Variants in SCOC observed in about 807,000 individuals in gnomAD.
SCOC encodes the protein short coiled-coil protein.
Under a neutral mutation model 9.9 loss-of-function variants are expected in SCOC, and 7 were observed. The ratio of observed to expected loss-of-function variants is 0.71; its 90% confidence interval spans 0.40 to 1.33. SCOC has a LOEUF of 1.33. SCOC is among the 40% of genes most tolerant of loss of function. The pLI is 0.01. For missense variants in SCOC, 66 were observed against 89.7 expected (o/e 0.74, Z 1.07); for synonymous variants, 19 against 28.2 (o/e 0.67, Z 1.03).
At chr4:140,295,571 C>T (rs1286717803) in intron 1 of SCOC, among the ~76,000 whole-genome samples, 2 of 152,204 alleles carry the variant, frequency 1.3e-5, no homozygotes, top group South Asian at 2.1e-4. Context: ...AGAAGTGAGA[C>T]GGCGTGGCCC....
At chr4:140,340,558 C>G (rs1412902663), upstream of SCOC, among the ~76,000 whole-genome samples, 1 of 151,778 alleles carries the variant, frequency 6.6e-6, no homozygotes, top group East Asian at 1.9e-4. Flanking sequence ...AAGAATGAAG[C>G]TGCATCCCTA....
chr4:140,265,462 C>T (rs544365384), intron 1 of SCOC, among the ~76,000 whole-genome samples: 4 of 152,274 alleles, frequency 2.6e-5, no homozygotes, highest in East Asian at 1.9e-4. Flanking sequence ...ATTTGCAAAT[C>T]GGGCAGCCTC....
In SCOC at chr4:140,301,180, C is replaced by T. The variant is rs532619313; in HGVS notation, c.-18-42441C>T. Reference sequence around the variant, plus strand: ...AGGCATGGTTGAAGTCCTAGGATGGCAGGATGAGTATCTGAGGCGGAATGT... The same window carrying T: ...AGGCATGGTTGAAGTCCTAGGATGGTAGGATGAGTATCTGAGGCGGAATGT... On this transcript the variant is annotated intron_variant, in intron 1 of 4. Transcript: ENST00000394205. Among the ~76,000 whole-genome samples the T allele has an allele frequency of 1.2e-4, 19 of 152,226 alleles. No individual in the cohort carries two copies. The South Asian group carries it at 3.9e-3, about 32-fold the overall frequency.
intron 1 of SCOC, among the ~76,000 whole-genome samples, chr4:140,302,390 A>T (rs1236214673): frequency 6.6e-6 from 1 of 152,210 alleles, no homozygotes; most frequent in Non-Finnish European, 1.5e-5. Context: ...CTTGTTGCCA[A>T]AAAGTATTGA....
chr4:140,319,017 G>A (rs1435514717), intron 1 of SCOC, among the ~76,000 whole-genome samples: 1 of 152,102 alleles, frequency 6.6e-6, no homozygotes, highest in Non-Finnish European at 1.5e-5. Flanking sequence ...CTTCTAACAA[G>A]GCTCCCATTT....
In SCOC at chr4:140,274,046, G is replaced by A. The variant is rs80002681; in HGVS notation, c.-19+16636G>A. ...ATAATCTCAGAAAATAGTGTTTAAA[G>A]TGACATCTGCAAATATGTGTTTTAG... On this transcript the variant is annotated intron_variant, in intron 1 of 4. Transcript: ENST00000394205. Among the ~76,000 whole-genome samples, 14 of 152,308 alleles carry A rather than the reference G, an allele frequency of 9.2e-5. No homozygotes were observed. In the East Asian group the frequency reaches 2.7e-3, roughly 29 times the overall value.
At chr4:140,297,173 G>T (rs1731665572) in intron 1 of SCOC, among the ~76,000 whole-genome samples, 1 of 152,120 alleles carries the variant, frequency 6.6e-6, no homozygotes, top group Admixed American at 6.5e-5. Flanking sequence ...CTGCCTTGCA[G>T]GTGTACTCTT....
intron 1 of SCOC, among the ~76,000 whole-genome samples, chr4:140,267,475 C>T (rs1341583116): frequency 6.6e-6 from 1 of 152,118 alleles, no homozygotes; most frequent in Non-Finnish European, 1.5e-5. Flanking sequence ...TGTTTCTTGC[C>T]CTTCCTCTAC....
At chr4:140,277,356 T>A (rs755163054) in intron 1 of SCOC, among the ~76,000 whole-genome samples, 26 of 152,094 alleles carry the variant, frequency 1.7e-4, no homozygotes, top group Non-Finnish European at 1.9e-4. Context: ...AATCACCAAG[T>A]CTCTTTTGTG....
intron 1 of SCOC, among the ~76,000 whole-genome samples, chr4:140,278,639 C>T (rs753698825): frequency 6.6e-6 from 1 of 152,282 alleles, no homozygotes; most frequent in South Asian, 2.1e-4. Flanking sequence ...GACTTAGTCA[C>T]CTCCCAGAGG....
intron 1 of SCOC, among the ~76,000 whole-genome samples, chr4:140,266,957 C>T (rs749503457): frequency 4.6e-5 from 7 of 152,326 alleles, no homozygotes; most frequent in Non-Finnish European, 4.4e-5. Flanking sequence ...TCTCACCCTA[C>T]AAGCTCTTCT....
At chr4:140,362,827 G>A (rs930230366) in intron 2 of SCOC, 12 of 152,204 alleles carry the variant, frequency 7.9e-5, no homozygotes, top group Middle Eastern at 3.4e-3. Context: ...TACTATATAA[G>A]GAAGGAGGAA....
At chr4:140,359,069 G>A (rs1727351699) in intron 2 of SCOC, among the ~76,000 whole-genome samples, 4 of 152,204 alleles carry the variant, frequency 2.6e-5, no homozygotes, top group Admixed American at 2.6e-4. Context: ...TATTATGGCT[G>A]TGTAACAATT....
intron 1 of SCOC, chr4:140,291,538 T>C (rs1731471237): frequency 2.2e-6 from 1 of 456,716 alleles, no homozygotes; most frequent in Non-Finnish European, 4.4e-6. Context: ...GACTGTATTA[T>C]GGCAGAGGGT....
intron 1 of SCOC, chr4:140,293,319 T>C: frequency 2.2e-6 from 1 of 456,794 alleles, no homozygotes; most frequent in Non-Finnish European, 4.4e-6. Flanking sequence ...CGCAAAGGCT[T>C]ATCTTTACTG....
intron 1 of SCOC, among the ~76,000 whole-genome samples, chr4:140,270,335 T>C (rs916176838): frequency 3.3e-5 from 5 of 151,884 alleles, no homozygotes; most frequent in Non-Finnish European, 4.4e-5. Flanking sequence ...TTTTAATTTA[T>C]GATTATTATT....
upstream of SCOC, among the ~76,000 whole-genome samples, chr4:140,339,195 G>A (rs1270564079): frequency 4.6e-5 from 7 of 151,926 alleles, no homozygotes; most frequent in African/African-American, 1.5e-4. Flanking sequence ...AACAAGCAAT[G>A]GGGAAAGGAT....
rs1229797519 is a variant in SCOC, at chr4:140,384,604, CTG to C, written c.*3504_*3505del. ...GACTATAAATCCTCAGTTGTATTTG[CTG>C]TGTTAGTTGAGCCCAGTTTCTTTCC... On this transcript the variant is annotated 3_prime_UTR_variant, in exon 4 of 4. Transcript: ENST00000608372. The C allele has an allele frequency of 1.3e-5, 2 of 152,252 alleles. No homozygotes were observed. Among genetic ancestry groups the C allele is most frequent in the Non-Finnish European group, 1.5e-5 (1 of 68,070 alleles). The allele number at this position is 152,252 out of a possible 1,614,324, so 9.4% of individuals were successfully genotyped here. A position where few individuals can be genotyped will look rare whatever the true frequency, so the allele number is the denominator to read the frequency against.
At chr4:140,272,875 A>G (rs753588179) in intron 1 of SCOC, among the ~76,000 whole-genome samples, 4 of 152,216 alleles carry the variant, frequency 2.6e-5, no homozygotes, top group Non-Finnish European at 5.9e-5. Flanking sequence ...TATAAGTTGA[A>G]TGATGCCTCC....
Sources: gnomAD v4.1 joint callset for allele counts (sites outside exome capture counted in the v4.1 genomes callset) on GRCh38, gnomAD v4.1.1 for gene constraint, MANE v1.5 for transcripts, NCBI Gene and HGNC (gene_info 2026-07-23, HGNC 2026-07-21) for gene names.